The following NMT2 variants were observed in gnomAD, a reference collection of about 807,000 sequenced individuals.
NMT2 encodes the protein glycylpeptide N-tetradecanoyltransferase 2.
In NMT2, 35 loss-of-function variants were observed where a neutral mutation model predicts 65.4. The ratio of observed to expected loss-of-function variants is 0.54; its 90% CI spans 0.41 to 0.71. The LOEUF is 0.71. Ranked by LOEUF, NMT2 falls within the 30% of genes least tolerant of loss-of-function variation. NMT2 has a pLI of 0.00. For synonymous variants in NMT2, 226 were observed against 231.8 expected (o/e 0.98, Z 0.23); for missense variants, 489 against 611.3 (o/e 0.80, Z 2.11).
chr10:15,108,592 G>A lies in NMT2; in HGVS notation c.*603C>T, dbSNP rs530106347. ...TACAAACTTGCATGTTTATTGATTCGGCAACTCTGCTTATGGAGAAATACA... is the reference window on the plus strand; with the variant it reads ...TACAAACTTGCATGTTTATTGATTCAGCAACTCTGCTTATGGAGAAATACA... On this transcript the variant is annotated 3_prime_UTR_variant, in exon 12 of 12. Transcript: ENST00000378165. 336 of 985,646 alleles carry A rather than the reference G, an allele frequency of 3.4e-4. No homozygotes were observed. The highest frequency in any genetic ancestry group is 3.9e-4 in the Non-Finnish European group (324 of 830,332). 61.1% of individuals were successfully genotyped at this position (985,646 alleles called of 1,614,324 possible).
In NMT2 at chr10:15,132,927, C is replaced by T; in HGVS notation, c.609G>A (p.Leu203=). 1 of 1,612,398 alleles carries T rather than the reference C, an allele frequency of 6.2e-7. No homozygotes were observed. Among genetic ancestry groups the T allele is most frequent in the South Asian group, 1.1e-5 (1 of 90,910 alleles). Residue 203 remains leucine, a synonymous_variant, in exon 6 of 12, where the codon CTG becomes CTA. Coordinates refer to ENST00000378165, the MANE Select transcript of NMT2 (RefSeq NM_004808.3). ...ACTGCAGGAGCCAGCCTGGTGGACGCAGAGCCCTGAGGTCACGGTAGACAA... is the reference window on the plus strand; with the variant it reads ...ACTGCAGGAGCCAGCCTGGTGGACGTAGAGCCCTGAGGTCACGGTAGACAA... ...DYSPEFLLWA[L]RPPGWLLQWH...
chr10:15,153,999 C>T (rs1356082115), intron 1 of NMT2, among the ~76,000 whole-genome samples: 1 of 152,172 alleles, frequency 6.6e-6, no homozygotes, highest in Admixed American at 6.5e-5. Flanking sequence ...GCTGCGTGGG[C>T]TCCAGTCCCA....
At chr10:15,157,939 G>T (rs565136295) in intron 1 of NMT2, among the ~76,000 whole-genome samples, 1 of 152,316 alleles carries the variant, frequency 6.6e-6, no homozygotes, top group South Asian at 2.1e-4. Flanking sequence ...AGCTAAGTTT[G>T]AATTTGAGTT....
rs545443128 is a variant in NMT2 at position 15,126,924 on chromosome 10, A to G, written c.999+1426T>C. Reference sequence around the variant, plus strand: ...AGCCAAGTCTAGAAAGCACATTTATATTTTTCCCTATTAAAAATGATAACT... The same window carrying G: ...AGCCAAGTCTAGAAAGCACATTTATGTTTTTCCCTATTAAAAATGATAACT... On this transcript the variant is annotated intron_variant, in intron 8 of 11. Transcript: ENST00000378165. Among the ~76,000 whole-genome samples the G allele has an allele frequency of 2.0e-5, 3 of 152,306 alleles. No individual in the cohort carries two copies. The South Asian group carries it at 6.2e-4, about 32-fold the overall frequency.
chr10:15,110,757 A>T (rs887560001), intron 10 of NMT2, among the ~76,000 whole-genome samples: 2 of 152,150 alleles, frequency 1.3e-5, no homozygotes, highest in Non-Finnish European at 2.9e-5. Context: ...ACTTATGAAG[A>T]TTTCAGAAAA....
intron 9 of NMT2, among the ~76,000 whole-genome samples, chr10:15,115,419 TACTC>T (rs1845712230): frequency 1.3e-5 from 2 of 152,210 alleles, no homozygotes; most frequent in East Asian, 1.9e-4. Flanking sequence ...TATATTGTAA[TACTC>T]ACATCAACCA....
In NMT2 at chr10:15,108,173, G is replaced by A. The variant is rs1047213110; in HGVS notation, c.*1022C>T. On this transcript the variant is annotated 3_prime_UTR_variant, in exon 12 of 12. Transcript: ENST00000378165. ...ACAGCAGAAAAGTCTAGTTAGTCGC[G>A]GGTACAGGCTCTTTCTTTTTTTTTT... 1.1e-5 allele frequency: 11 copies of A among 984,294 alleles called. No individual in the cohort carries two copies. Among genetic ancestry groups the A allele is most frequent in the Non-Finnish European group, 1.3e-5 (11 of 829,810 alleles). 61.0% of individuals were successfully genotyped at this position (984,294 alleles called of 1,614,324 possible). A position where few individuals can be genotyped will look rare whatever the true frequency, so the allele number is the denominator to read the frequency against.
At chr10:15,135,928 G>GAGAA (rs774096997) in intron 2 of NMT2, among the ~76,000 whole-genome samples, 2 of 151,406 alleles carry the variant, frequency 1.3e-5, no homozygotes, top group African/African-American at 4.9e-5. Flanking sequence ...GAAAGAGAGA[G>GAGAA]AGAAAGAAAG....
chr10:15,162,911 T>C (rs975693151), intron 1 of NMT2, among the ~76,000 whole-genome samples: 5 of 149,682 alleles, frequency 3.3e-5, no homozygotes, highest in South Asian at 2.1e-4. Flanking sequence ...TATATAAATA[T>C]ATACATATAA....
intron 2 of NMT2, chr10:15,141,027 G>A (rs1325982989): frequency 4.5e-6 from 7 of 1,550,634 alleles, no homozygotes; most frequent in Non-Finnish European, 5.2e-6. Context: ...AGATGGTGTT[G>A]TGCTATTCAG....
At chr10:15,148,028 C>A (rs1847023966) in intron 1 of NMT2, among the ~76,000 whole-genome samples, 1 of 152,156 alleles carries the variant, frequency 6.6e-6, no homozygotes, top group South Asian at 2.1e-4. Context: ...TTCTCTTTCA[C>A]ATTTTATCTC....
At chr10:15,127,455 GA>G (rs1483417313) in intron 8 of NMT2, among the ~76,000 whole-genome samples, 2 of 144,488 alleles carry the variant, frequency 1.4e-5, no homozygotes, top group South Asian at 4.5e-4. Context: ...GCTGAGGCAG[GA>G]GAATGGCGTG....
At chr10:15,127,444 G>T (rs1269256344) in intron 8 of NMT2, among the ~76,000 whole-genome samples, 2 of 147,064 alleles carry the variant, frequency 1.4e-5, no homozygotes, top group African/African-American at 5.0e-5. Context: ...CTACTCAGGA[G>T]GCTGAGGCAG....
intron 1 of NMT2, among the ~76,000 whole-genome samples, chr10:15,147,334 A>G (rs552621885): frequency 6.6e-6 from 1 of 152,248 alleles, no homozygotes; most frequent in African/African-American, 2.4e-5. Context: ...AATGGTGGGA[A>G]TATAGCTGAT....
At chr10:15,168,427 C>T (rs2131656975) in intron 1 of NMT2, 76 bp downstream of exon 1, 17 of 1,090,586 alleles carry the variant, frequency 1.6e-5, no homozygotes, top group Non-Finnish European at 2.3e-5. Flanking sequence ...GTCCTGGGAG[C>T]CACCCCCGAA....
In NMT2 at chr10:15,135,192, T is replaced by TCTG. The variant is rs1564574009; in HGVS notation, c.391+81_391+82insCAG. ...CATGTGAAGTTAACACTCTTTGTGT[T>TCTG]TTGTTGTTGTTGTTGTTGTTGTTGT... On this transcript the variant is annotated intron_variant, in intron 3 of 11. Transcript: ENST00000378165. The TCTG allele has an allele frequency of 8.0e-6, 10 of 1,247,800 alleles. No homozygotes were observed. In the Admixed American group the frequency reaches 1.8e-4, roughly 23 times the overall value. 77.3% of individuals were successfully genotyped at this position (1,247,800 alleles called of 1,614,324 possible).
At chr10:15,134,936 T>G (rs1263623624) in intron 3 of NMT2, among the ~76,000 whole-genome samples, 5 of 152,076 alleles carry the variant, frequency 3.3e-5, no homozygotes, top group African/African-American at 1.2e-4. Context: ...CAGTGAGCTA[T>G]GATCATGCCA....
intron 1 of NMT2, among the ~76,000 whole-genome samples, chr10:15,150,885 C>T (rs1311455508): frequency 6.6e-6 from 1 of 152,086 alleles, no homozygotes; most frequent in Non-Finnish European, 1.5e-5. Context: ...CTTGATGATC[C>T]CCCTTGCTAG....
At chr10:15,138,333 T>C in intron 2 of NMT2, 1 of 470,894 alleles carries the variant, frequency 2.1e-6, no homozygotes, top group Non-Finnish European at 4.4e-6. Flanking sequence ...TTTCTGAAAG[T>C]AGATTCAAAT....
Sources: allele counts gnomAD v4.1 joint callset (sites outside exome capture counted in the v4.1 genomes callset), GRCh38; gene constraint gnomAD v4.1.1; transcripts MANE v1.5; gene names NCBI Gene and HGNC (gene_info 2026-07-23, HGNC 2026-07-21).